The following SAMD3 variants were observed in gnomAD, a reference collection of about 807,000 sequenced individuals.
SAMD3 encodes the protein sterile alpha motif domain containing 3, also known as sterile alpha motif domain-containing protein 3.
Under a neutral mutation model 58.5 loss-of-function variants are expected in SAMD3, and 63 were observed. The observed-to-expected ratio is 1.08, with a 90% CI of 0.88 to 1.33. SAMD3 has a LOEUF of 1.33. SAMD3 is among the 40% of genes most tolerant of loss of function. The probability of loss-of-function intolerance (pLI) is 0.00; values close to 1 mark genes in which losing one functional copy is unlikely to be tolerated. For synonymous variants in SAMD3, 220 were observed against 210.3 expected (o/e 1.05, Z -0.40); for missense variants, 604 against 608.4 (o/e 0.99, Z 0.08).
intron 2 of SAMD3, among the ~76,000 whole-genome samples, chr6:130,301,162 TG>T (rs1775734606): frequency 6.6e-6 from 1 of 152,226 alleles, no homozygotes; most frequent in Non-Finnish European, 1.5e-5. Flanking sequence ...TTCTTTTTTA[TG>T]GCTGCGTAGT....
At chr6:130,163,157 AAG>A (rs1790414617) in intron 8 of SAMD3, among the ~76,000 whole-genome samples, 2 of 152,202 alleles carry the variant, frequency 1.3e-5, no homozygotes, top group African/African-American at 4.8e-5. Context: ...TGCAAAAAAA[AAG>A]AATGTAAAAT....
intron 1 of SAMD3, among the ~76,000 whole-genome samples, chr6:130,316,957 G>T (rs1243651951): frequency 6.6e-6 from 1 of 152,132 alleles, no homozygotes; most frequent in Admixed American, 6.5e-5. Context: ...GCTTTAAGAG[G>T]TTGGTTAACA....
chr6:130,340,419 G>A lies in SAMD3; in HGVS notation c.-304+24701C>T, dbSNP rs538117161. On this transcript the variant is annotated intron_variant, in intron 1 of 13. Coordinates refer to the SAMD3 transcript ENST00000368134. Reference sequence around the variant, plus strand: ...CCTCCCCAGCTCTTTTGCTTATAAGGATCCTGAGGATTCCACTGGGACACT... The same window carrying A: ...CCTCCCCAGCTCTTTTGCTTATAAGAATCCTGAGGATTCCACTGGGACACT... Among the ~76,000 whole-genome samples, 113 of 152,288 alleles carry A rather than the reference G, an allele frequency of 7.4e-4. 1 individual carries two copies. Among genetic ancestry groups the A allele is most frequent in the African/African-American group, 2.5e-3 (103 of 41,568 alleles).
chr6:130,344,825 C>CAAAAAAAAAA (rs56795907), intron 1 of SAMD3, among the ~76,000 whole-genome samples: 36 of 41,100 alleles, frequency 8.8e-4, no homozygotes, highest in African/African-American at 1.5e-3. Flanking sequence ...ACAACAACAG[C>CAAAAAAAAAA]AAAAAAAAAA....
At chr6:130,205,079 G>C (rs969718042) in intron 5 of SAMD3, among the ~76,000 whole-genome samples, 5 of 150,318 alleles carry the variant, frequency 3.3e-5, no homozygotes, top group African/African-American at 1.2e-4. Flanking sequence ...CTTCAAGAAA[G>C]CCTGTAGTCA....
At chr6:130,343,108 G>C (rs1777321541) in intron 1 of SAMD3, among the ~76,000 whole-genome samples, 1 of 151,370 alleles carries the variant, frequency 6.6e-6, no homozygotes, top group African/African-American at 2.4e-5. Flanking sequence ...ATTAAATCTA[G>C]TATGAAGGGC....
chr6:130,258,060 G>C (rs1773983795), intron 2 of SAMD3, among the ~76,000 whole-genome samples: 1 of 151,894 alleles, frequency 6.6e-6, no homozygotes. Flanking sequence ...TATTGTGAGT[G>C]TTCCGTGGAA....
At chr6:130,242,165 C>T (rs963147756) in intron 2 of SAMD3, among the ~76,000 whole-genome samples, 1 of 152,168 alleles carries the variant, frequency 6.6e-6, no homozygotes, top group African/African-American at 2.4e-5. Context: ...TTTAATGCAA[C>T]AGTATCTAAA....
At chr6:130,335,198 G>A (rs939333263) in intron 1 of SAMD3, among the ~76,000 whole-genome samples, 1 of 152,166 alleles carries the variant, frequency 6.6e-6, no homozygotes, top group Non-Finnish European at 1.5e-5. Context: ...TACAGCCAAG[G>A]TTGTGGGTTC....
intron 5 of SAMD3, among the ~76,000 whole-genome samples, chr6:130,202,149 C>T (rs1290996070): frequency 6.6e-6 from 1 of 152,162 alleles, no homozygotes; most frequent in East Asian, 1.9e-4. Context: ...AGATATCTTC[C>T]CCTGACAGAA....
chr6:130,267,017 C>T lies in SAMD3; in HGVS notation c.-187-44204G>A, dbSNP rs141341719. On this transcript the variant is annotated intron_variant, in intron 2 of 13. Coordinates refer to the SAMD3 transcript ENST00000368134. The stretch of plus-strand genomic sequence containing the variant: ...CGGTCAAGCCTTGACTATTCTAGCC[C>T]GGTGAGAAACTCAGACGAGGAATGC... Among the ~76,000 whole-genome samples, 26 of 152,254 alleles carry T rather than the reference C, an allele frequency of 1.7e-4. 1 individual carries two copies. In the South Asian group the frequency reaches 3.1e-3, roughly 18 times the overall value.
intron 2 of SAMD3, among the ~76,000 whole-genome samples, chr6:130,237,794 T>A (rs1417516822): frequency 6.6e-6 from 1 of 152,152 alleles, no homozygotes; most frequent in South Asian, 2.1e-4. Context: ...AAATGCAACC[T>A]CCAAATTGAT....
At chr6:130,245,502 A>G (rs1241783560) in intron 2 of SAMD3, among the ~76,000 whole-genome samples, 1 of 152,222 alleles carries the variant, frequency 6.6e-6, no homozygotes, top group African/African-American at 2.4e-5. Flanking sequence ...AGTGGAATTG[A>G]TATTCCACTT....
At chr6:130,203,803 A>G (rs1049723122) in intron 5 of SAMD3, among the ~76,000 whole-genome samples, 2 of 152,202 alleles carry the variant, frequency 1.3e-5, no homozygotes, top group African/African-American at 4.8e-5. Flanking sequence ...GACAAATCAC[A>G]CATCTAACTG....
chr6:130,293,259 T>C (rs951176127), intron 2 of SAMD3, among the ~76,000 whole-genome samples: 4 of 152,164 alleles, frequency 2.6e-5, no homozygotes, highest in African/African-American at 9.7e-5. Flanking sequence ...AATGCTATGA[T>C]TGAATGACAG....
intron 1 of SAMD3, among the ~76,000 whole-genome samples, chr6:130,324,517 A>G (rs1776691815): frequency 6.6e-6 from 1 of 152,214 alleles, no homozygotes; most frequent in South Asian, 2.1e-4. Flanking sequence ...ATAAAGTTTC[A>G]TTCTTAGACA....
chr6:130,158,861 G>A (rs958482092), intron 8 of SAMD3, among the ~76,000 whole-genome samples: 5 of 152,162 alleles, frequency 3.3e-5, no homozygotes, highest in South Asian at 2.1e-4. Context: ...AGAGGCCCAC[G>A]ACCAGTCTGA....
At chr6:130,266,549 G>C (rs1204403169) in intron 2 of SAMD3, among the ~76,000 whole-genome samples, 1 of 152,082 alleles carries the variant, frequency 6.6e-6, no homozygotes, top group East Asian at 1.9e-4. Flanking sequence ...TACAAAAACA[G>C]CCACCTAGTG....
At chr6:130,354,942 G>T (rs186756196) in intron 1 of SAMD3, among the ~76,000 whole-genome samples, 480 of 152,224 alleles carry the variant, frequency 3.2e-3, no homozygotes, top group Non-Finnish European at 4.7e-3. Context: ...AAAGGATATG[G>T]CATTCCAGAG....
Sources: allele counts gnomAD v4.1 joint callset (sites outside exome capture counted in the v4.1 genomes callset), GRCh38; gene constraint gnomAD v4.1.1; transcripts MANE v1.5; gene names NCBI Gene and HGNC (gene_info 2026-07-23, HGNC 2026-07-21).